The following MSH4 variants were observed in gnomAD, a reference collection of about 807,000 sequenced individuals.
MSH4 encodes the protein mutS homolog 4.
Under a neutral mutation model 113.7 loss-of-function variants are expected in MSH4, and 106 were observed. That is an observed-to-expected ratio of 0.93 (90% CI 0.80 to 1.10). The LOEUF is 1.10. MSH4 is among the 50% of genes least tolerant of loss of function. The probability of loss-of-function intolerance (pLI) is 0.00; values close to 1 mark genes in which losing one functional copy is unlikely to be tolerated. For missense variants in MSH4, 1,061 were observed against 1,093.7 expected (o/e 0.97, Z 0.42); for synonymous variants, 368 against 380.2 (o/e 0.97, Z 0.37).
Position 75,816,450 on chromosome 1 carries a change from C to T in MSH4, c.893C>T (p.Ser298Leu). 6.2e-7 allele frequency: 1 copy of T among 1,610,958 alleles called. No individual in the cohort carries two copies. Among genetic ancestry groups the T allele is most frequent in the Non-Finnish European group, 8.5e-7 (1 of 1,178,042 alleles). Residue 298 changes from serine (S) to leucine (L), a missense_variant, in exon 6 of 20, where the codon TCA (serine) becomes TTA (leucine). Transcript: ENST00000263187. ...FIQNSVYAPK[S>L]LKICFQGSEQ... ...CAAAATTCAGTTTATGCACCAAAAT[C>T]ACTGAAGATTTGTTTCCAGGGTAGT...
chr1:75,819,130 T>C lies in MSH4; in HGVS notation c.989+2584T>C, dbSNP rs535681331. ...TTTTCTTGATATGATTATGTGTTTATTGTTTTTATTGTTTATTTCCCCTCG... is the reference window on the plus strand; with the variant it reads ...TTTTCTTGATATGATTATGTGTTTACTGTTTTTATTGTTTATTTCCCCTCG... On this transcript the variant is annotated intron_variant, in intron 6 of 19. Transcript: ENST00000263187. 3.3e-5 allele frequency among the ~76,000 whole-genome samples: 5 copies of C among 152,236 alleles called. No homozygotes were observed. The South Asian group carries it at 1.0e-3, about 32-fold the overall frequency.
At chr1:75,812,566 C>T (rs964383605) in intron 4 of MSH4, among the ~76,000 whole-genome samples, 6 of 152,020 alleles carry the variant, frequency 3.9e-5, no homozygotes, top group Non-Finnish European at 5.9e-5. Flanking sequence ...TGGTGGCACG[C>T]GCCTGTAGTC....
At chr1:75,844,418 C>T (rs1214372006) in intron 7 of MSH4, among the ~76,000 whole-genome samples, 1 of 152,126 alleles carries the variant, frequency 6.6e-6, no homozygotes, top group Non-Finnish European at 1.5e-5. Flanking sequence ...CTTCTATCTC[C>T]CTGGCTCAAG....
At chr1:75,809,874 C>T (rs1277237042) in intron 3 of MSH4, among the ~76,000 whole-genome samples, 2 of 152,068 alleles carry the variant, frequency 1.3e-5, no homozygotes, top group African/African-American at 4.8e-5. Flanking sequence ...TGGTTGTGAA[C>T]TCCTGACCTC....
intron 4 of MSH4, among the ~76,000 whole-genome samples, chr1:75,812,446 C>A (rs1429710819): frequency 6.6e-6 from 1 of 152,126 alleles, no homozygotes; most frequent in Non-Finnish European, 1.5e-5. Context: ...GTAATCCCAG[C>A]ACTTTCAGAG....
intron 19 of MSH4, among the ~76,000 whole-genome samples, chr1:75,906,533 TAA>T (rs372967754): frequency 1.3e-5 from 1 of 76,426 alleles, no homozygotes; most frequent in Non-Finnish European, 2.3e-5. Flanking sequence ...ATATTATATA[TAA>T]TATATATAAT....
At chr1:75,875,083 G>A (rs71656858) in intron 9 of MSH4, among the ~76,000 whole-genome samples, 11,663 of 152,142 alleles carry the variant, frequency 0.077, 617 homozygotes, top group African/African-American at 0.15. Flanking sequence ...TGATAGAGAC[G>A]GGGTTTCGCC....
At chr1:75,912,571 G>A (rs1159116245) in intron 19 of MSH4, 125 bp from the exon 20 acceptor site, 1 of 481,408 alleles carries the variant, frequency 2.1e-6, no homozygotes, top group Admixed American at 4.3e-5. Context: ...TTTGTTCAAA[G>A]GAATTAGTTA....
intron 18 of MSH4, among the ~76,000 whole-genome samples, chr1:75,898,730 T>G (rs574296677): frequency 5.7e-4 from 87 of 152,242 alleles, no homozygotes; most frequent in African/African-American, 2.0e-3. Context: ...AATCATTAAG[T>G]CTCACAGATT....
intron 19 of MSH4, among the ~76,000 whole-genome samples, chr1:75,907,140 CT>C (rs1652677011): frequency 1.3e-5 from 2 of 152,214 alleles, no homozygotes; most frequent in African/African-American, 4.8e-5. Context: ...TGTTAGCATT[CT>C]TTCCTTTCAG....
In MSH4 at chr1:75,897,989, A is replaced by T. The variant is rs1429504541; in HGVS notation, c.2438A>T (p.Glu813Val). The T allele has an allele frequency of 8.1e-6, 13 of 1,607,854 alleles. No homozygotes were observed. The highest frequency in any genetic ancestry group is 1.1e-5 in the Non-Finnish European group (13 of 1,176,482). ...CCTAATGTAGAAAACATGCATTTTG[A>T]AGTTCAACATGTAAAGAATACCTCA... is the stretch of plus-strand genomic sequence containing the variant. ...LYPNVENMHF[E>V]VQHVKNTSRN... Residue 813 changes from glutamate (E) to valine (V), a missense_variant, in exon 18 of 20, where the codon GAA (glutamate) becomes GTA (valine). By Grantham distance (121) the Glu-to-Val change is moderately radical. Transcript: ENST00000263187.
intron 8 of MSH4, among the ~76,000 whole-genome samples, chr1:75,854,651 C>T (rs1453744331): frequency 1.3e-5 from 2 of 152,140 alleles, no homozygotes; most frequent in Non-Finnish European, 2.9e-5. Flanking sequence ...TGGGCCCTAA[C>T]AACTGATACT....
intron 8 of MSH4, among the ~76,000 whole-genome samples, chr1:75,861,685 C>T (rs1240760367): frequency 6.6e-6 from 1 of 152,210 alleles, no homozygotes; most frequent in Non-Finnish European, 1.5e-5. Flanking sequence ...CTGTTGGCCC[C>T]TACTGGGAGG....
chr1:75,830,822 C>T (rs1650668364), intron 7 of MSH4, among the ~76,000 whole-genome samples: 1 of 152,176 alleles, frequency 6.6e-6, no homozygotes, highest in Non-Finnish European at 1.5e-5. Context: ...CCAGTACCAG[C>T]CACTGCAAAA....
At position 75,816,323 on chromosome 1, in the gene MSH4, A is replaced by C. The variant is rs1212910901; in HGVS notation, c.816-50A>C. The C allele has an allele frequency of 2.4e-6, 3 of 1,237,386 alleles. No homozygotes were observed. The African/African-American group carries it at 4.6e-5, about 19-fold the overall frequency. The allele number at this position is 1,237,386 out of a possible 1,614,324, so 76.7% of individuals were successfully genotyped here. A position where few individuals can be genotyped will look rare whatever the true frequency, so the allele number is the denominator to read the frequency against. On this transcript the variant is annotated intron_variant, in intron 5 of 19. Coordinates refer to ENST00000263187, the MANE Select transcript of MSH4 (RefSeq NM_002440.4). ...TAATTTTTCTTAAGGGGAAATAGAT[A>C]ATTTTTTATATTAAAGACTTATAGT...
chr1:75,858,813 A>G (rs895693745), intron 8 of MSH4, among the ~76,000 whole-genome samples: 3 of 152,024 alleles, frequency 2.0e-5, no homozygotes, highest in South Asian at 2.1e-4. Flanking sequence ...CTCTTTTTCT[A>G]TTGATCGGAA....
intron 1 of MSH4, among the ~76,000 whole-genome samples, chr1:75,799,476 G>T (rs1242486079): frequency 6.6e-6 from 1 of 152,136 alleles, no homozygotes; most frequent in East Asian, 1.9e-4. Context: ...TTTGAGGTAG[G>T]TATAATTAAA....
intron 6 of MSH4, among the ~76,000 whole-genome samples, chr1:75,818,842 A>G (rs1650346599): frequency 6.6e-6 from 1 of 152,206 alleles, no homozygotes. Flanking sequence ...GGCTCACTGC[A>G]AGCTCTGCCT....
chr1:75,821,379 C>A (rs1442203200), intron 6 of MSH4, among the ~76,000 whole-genome samples: 1 of 151,064 alleles, frequency 6.6e-6, no homozygotes, highest in African/African-American at 2.4e-5. Context: ...CACAACATAC[C>A]AGAATCTCTG....
Sources: gnomAD v4.1 joint callset for allele counts (sites outside exome capture counted in the v4.1 genomes callset) on GRCh38, gnomAD v4.1.1 for gene constraint, MANE v1.5 for transcripts, NCBI Gene and HGNC (gene_info 2026-07-23, HGNC 2026-07-21) for gene names.